SLC9C1: variants seen among roughly 807,000 people sequenced by gnomAD.
SLC9C1 encodes sodium/hydrogen exchanger 10.
SLC9C1 carries 97 observed loss-of-function variants against 140.9 expected under a neutral mutation model. The ratio of observed to expected loss-of-function variants is 0.69; its 90% CI spans 0.58 to 0.82. The LOEUF (loss-of-function observed/expected upper bound fraction) is 0.82, where lower values mean the gene tolerates loss of function less well. SLC9C1 is among the 40% of genes least tolerant of loss of function. The pLI is 0.00. For synonymous variants in SLC9C1, 440 were observed against 442.6 expected (o/e 0.99, Z 0.07); for missense variants, 1,340 against 1,389.3 (o/e 0.96, Z 0.56).
At chr3:112,284,967 GA>G (rs2080462031) in intron 2 of SLC9C1, among the ~76,000 whole-genome samples, 1 of 135,336 alleles carries the variant, frequency 7.4e-6, no homozygotes, top group Admixed American at 7.6e-5. Context: ...TACATTATTA[GA>G]AAAAAATACA....
chr3:112,208,958 T>G, intron 15 of SLC9C1, among the ~76,000 whole-genome samples: 1 of 152,188 alleles, frequency 6.6e-6, no homozygotes, highest in African/African-American at 2.4e-5. Flanking sequence ...ATCACAAAAT[T>G]TAAATTAATG....
chr3:112,173,614 A>C (rs1199307239), intron 23 of SLC9C1, among the ~76,000 whole-genome samples: 1 of 152,166 alleles, frequency 6.6e-6, no homozygotes, highest in African/African-American at 2.4e-5. Flanking sequence ...ACATGATCTC[A>C]TTCTTTTCTA....
intron 26 of SLC9C1, among the ~76,000 whole-genome samples, chr3:112,163,939 T>C (rs1469397515): frequency 2.0e-5 from 3 of 152,192 alleles, no homozygotes; most frequent in African/African-American, 7.2e-5. Flanking sequence ...GGACTTGCTT[T>C]ATGAATCTGG....
chr3:112,210,030 A>C (rs1469524475), intron 15 of SLC9C1, among the ~76,000 whole-genome samples: 2 of 152,228 alleles, frequency 1.3e-5, no homozygotes, highest in East Asian at 3.8e-4. Flanking sequence ...TAGTTACAAC[A>C]ATCTTGAAAA....
At chr3:112,245,287 T>C (rs1275633611) in intron 10 of SLC9C1, among the ~76,000 whole-genome samples, 1 of 152,210 alleles carries the variant, frequency 6.6e-6, no homozygotes, top group Non-Finnish European at 1.5e-5. Flanking sequence ...AAGTGTCTGT[T>C]CAAATATGTT....
intron 11 of SLC9C1, among the ~76,000 whole-genome samples, chr3:112,242,046 T>A (rs1167391829): frequency 2.0e-5 from 3 of 152,314 alleles, no homozygotes; most frequent in East Asian, 3.9e-4. Flanking sequence ...TGAGAAATAA[T>A]TTTTGGCTAA....
At position 112,206,293 on chromosome 3, in the gene SLC9C1, A is replaced by T. The variant is rs569658937; in HGVS notation, c.1986+1885T>A. On this transcript the variant is annotated intron_variant, in intron 16 of 28. Transcript: ENST00000305815. ...TCAGAGAAATGCAAATCAAAACCAC[A>T]GTGAGATAACATCTCACACCAGTTA... 2.2e-4 allele frequency among the ~76,000 whole-genome samples: 33 copies of T among 152,224 alleles called. No homozygotes were observed. The East Asian group carries it at 5.6e-3, about 26-fold the overall frequency.
chr3:112,154,948 C>G (rs199505555), intron 27 of SLC9C1, 49 bp downstream of exon 27: 4 of 1,532,594 alleles, frequency 2.6e-6, no homozygotes, highest in Admixed American at 3.8e-5. Context: ...AAATTCTAGA[C>G]TCTCTTTTAC....
At chr3:112,266,468 A>G (rs996524397) in intron 7 of SLC9C1, 128 bp from the exon 8 acceptor site, 1 of 647,962 alleles carries the variant, frequency 1.5e-6, no homozygotes, top group Non-Finnish European at 2.6e-6. Context: ...ACTTCACTTG[A>G]TTTCAGCTGA....
chr3:112,164,978 T>C (rs2077091186), intron 26 of SLC9C1, among the ~76,000 whole-genome samples: 1 of 152,160 alleles, frequency 6.6e-6, no homozygotes, highest in African/African-American at 2.4e-5. Flanking sequence ...TTTCTTTTTA[T>C]TCTTTTTTCT....
At chr3:112,211,183 G>A (rs778336756) in intron 15 of SLC9C1, among the ~76,000 whole-genome samples, 3 of 152,172 alleles carry the variant, frequency 2.0e-5, no homozygotes, top group Non-Finnish European at 4.4e-5. Flanking sequence ...AAATTTCATT[G>A]TAAAATTCCT....
At chr3:112,159,284 A>T (rs529894574) in intron 26 of SLC9C1, among the ~76,000 whole-genome samples, 2 of 151,954 alleles carry the variant, frequency 1.3e-5, no homozygotes, top group Non-Finnish European at 2.9e-5. Context: ...AAGTTTTTTT[A>T]AATTTCACGT....
At chr3:112,191,369 T>C (rs2077658189) in intron 20 of SLC9C1, among the ~76,000 whole-genome samples, 1 of 152,162 alleles carries the variant, frequency 6.6e-6, no homozygotes, top group Non-Finnish European at 1.5e-5. Context: ...ACATTCTCTC[T>C]ATGCCTAATC....
rs764111011 is a variant in SLC9C1 at position 112,277,878 on chromosome 3, A to C, written c.319-18T>G. On this transcript the variant is annotated intron_variant, in intron 4 of 28. Transcript: ENST00000305815. Reference sequence around the variant, plus strand: ...AAAAGTATCTGCAAAGAAATTTTACAATTAGAAAAATCAGACTGCTTTTGT... The same window carrying C: ...AAAAGTATCTGCAAAGAAATTTTACCATTAGAAAAATCAGACTGCTTTTGT... The C allele has an allele frequency of 8.3e-6, 13 of 1,575,406 alleles. No individual in the cohort carries two copies. Among genetic ancestry groups the C allele is most frequent in the Middle Eastern group, 3.5e-4 (2 of 5,696 alleles).
chr3:112,275,080 T>G, intron 5 of SLC9C1, 55 bp from the exon 6 acceptor site: 1 of 1,492,112 alleles, frequency 6.7e-7, no homozygotes, highest in Non-Finnish European at 8.9e-7. Flanking sequence ...CATTAAAAAT[T>G]AAATGTTAAA....
chr3:112,277,765 T>C lies in SLC9C1; in HGVS notation c.414A>G (p.Gln138=), dbSNP rs141558123. Residue 138 remains glutamine, a synonymous_variant, in exon 5 of 29, where the codon CAA becomes CAG. Coordinates refer to ENST00000305815, the MANE Select transcript of SLC9C1 (RefSeq NM_183061.3). ...SVNQLLLKPT[Q]WLLFSAILVS... ...CAAGGATAGCTGAAAATAATAACCA[T>C]TGGGTAGGCTTCAAAAGTAATTGAT... 3.5e-5 allele frequency: 56 copies of C among 1,612,530 alleles called. No homozygotes were observed. The highest frequency in any genetic ancestry group is 8.0e-5 in the African/African-American group (6 of 74,826).
At chr3:112,251,189 A>G (rs2079446793) in intron 10 of SLC9C1, among the ~76,000 whole-genome samples, 1 of 152,128 alleles carries the variant, frequency 6.6e-6, no homozygotes, top group Non-Finnish European at 1.5e-5. Context: ...AGGTACACAC[A>G]CTGGGATTCA....
chr3:112,146,975 G>A (rs1215788287), intron 28 of SLC9C1, among the ~76,000 whole-genome samples: 2 of 152,104 alleles, frequency 1.3e-5, no homozygotes, highest in African/African-American at 4.8e-5. Context: ...GAACCTAGGT[G>A]CTCCAATATT....
chr3:112,212,447 A>G (rs1226744974), intron 15 of SLC9C1, among the ~76,000 whole-genome samples: 1 of 152,206 alleles, frequency 6.6e-6, no homozygotes, highest in African/African-American at 2.4e-5. Context: ...CAAAGAAGCT[A>G]TAAACCTTGA....
Sources: gnomAD v4.1 joint callset for allele counts (sites outside exome capture counted in the v4.1 genomes callset) on GRCh38, gnomAD v4.1.1 for gene constraint, MANE v1.5 for transcripts, NCBI Gene and HGNC (gene_info 2026-07-23, HGNC 2026-07-21) for gene names.